The following SYNE3 variants were observed in gnomAD, a reference collection of about 807,000 sequenced individuals.
SYNE3 encodes nesprin-3.
SYNE3 carries 100 observed loss-of-function variants against 111.2 expected under a neutral mutation model. The observed-to-expected ratio is 0.90, with a 90% CI of 0.77 to 1.06. The LOEUF is 1.06. Ranked by LOEUF, SYNE3 falls within the 50% of genes least tolerant of loss-of-function variation. SYNE3 has a pLI of 0.00. For missense variants in SYNE3, 1,160 were observed against 1,240.3 expected, an observed-to-expected ratio of 0.94 and a Z score of 0.97; for synonymous variants, 547 against 533.9, an observed-to-expected ratio of 1.02 and a Z score of -0.34.
chr14:95,478,458 G>A (rs1419450122), intron 1 of SYNE3, among the ~76,000 whole-genome samples: 1 of 152,154 alleles, frequency 6.6e-6, no homozygotes, highest in Admixed American at 6.5e-5. Context: ...CTTCTGCCCT[G>A]GGACTACCAG....
chr14:95,510,116 A>C (rs1051238963), intron 1 of SYNE3, among the ~76,000 whole-genome samples: 7 of 152,208 alleles, frequency 4.6e-5, no homozygotes, highest in South Asian at 4.1e-4. Context: ...GGGCATGTAC[A>C]TGAGCGTTTG....
Position 95,408,871 on chromosome 14 carries a change from GC to G in SYNE3, c.*8954del, listed in dbSNP as rs1903355868. Reference sequence around the variant, plus strand: ...GCAAAGCCAACTCTGTCCTCTGCCTGCCCCCGCAAGGGCTGGCCTGTCCGTG... The same window carrying G: ...GCAAAGCCAACTCTGTCCTCTGCCTGCCCCGCAAGGGCTGGCCTGTCCGTG... On this transcript the variant is annotated 3_prime_UTR_variant, in exon 18 of 18. Coordinates refer to ENST00000682763, the MANE Select transcript of SYNE3 (RefSeq NM_152592.6). The G allele has an allele frequency of 2.9e-6, 1 of 339,442 alleles. No individual in the cohort carries two copies. The highest frequency in any genetic ancestry group is 2.2e-5 in the African/African-American group (1 of 46,472). The allele number at this position is 339,442 out of a possible 1,614,324, so 21.0% of individuals were successfully genotyped here.
intron 17 of SYNE3, among the ~76,000 whole-genome samples, chr14:95,420,322 G>A (rs76024182): frequency 1.3e-5 from 2 of 152,266 alleles, no homozygotes; most frequent in East Asian, 3.9e-4. Context: ...CCCACCCAGG[G>A]AGAGAGAAAA....
rs1308934438 is a variant in SYNE3 at position 95,434,283 on chromosome 14, CA to C, written c.2539-875del. Among the ~76,000 whole-genome samples the C allele has an allele frequency of 2.6e-5, 4 of 152,172 alleles. No homozygotes were observed. In the East Asian group the frequency reaches 7.7e-4, roughly 29 times the overall value. On this transcript the variant is annotated intron_variant, in intron 15 of 17. Coordinates refer to ENST00000682763, the MANE Select transcript of SYNE3 (RefSeq NM_152592.6). Reference sequence around the variant, plus strand: ...CTTGGGAAAGAATGAAAACCCAGGGCAGTCAGTGCTGTGTTCAGATCTGCTT... The same window carrying C: ...CTTGGGAAAGAATGAAAACCCAGGGCGTCAGTGCTGTGTTCAGATCTGCTT...
intron 17 of SYNE3, among the ~76,000 whole-genome samples, chr14:95,431,845 T>A (rs936838298): frequency 3.3e-5 from 5 of 152,220 alleles, no homozygotes; most frequent in Non-Finnish European, 7.3e-5. Context: ...TATGTGCCTG[T>A]CCCAGCGGAG....
chr14:95,463,352 T>C (rs1887959782), intron 4 of SYNE3, among the ~76,000 whole-genome samples: 1 of 152,184 alleles, frequency 6.6e-6, no homozygotes. Flanking sequence ...GGCAATCCTT[T>C]CAGCATCTGG....
chr14:95,440,765 C>T (rs1213830268), intron 11 of SYNE3, among the ~76,000 whole-genome samples: 1 of 152,200 alleles, frequency 6.6e-6, no homozygotes, highest in Non-Finnish European at 1.5e-5. Flanking sequence ...TCAGAGCCCC[C>T]CTTGAGGGTC....
intron 17 of SYNE3, among the ~76,000 whole-genome samples, chr14:95,423,429 C>G (rs995070015): frequency 2.6e-5 from 4 of 152,014 alleles, no homozygotes; most frequent in African/African-American, 9.7e-5. Context: ...TAGGTTGACT[C>G]ACAGGCACCT....
At chr14:95,450,512 C>A (rs116539562) in intron 7 of SYNE3, 2,547 of 166,832 alleles carry the variant, frequency 0.015, 56 homozygotes, top group African/African-American at 0.049. Context: ...CCATCCCCCC[C>A]AAAAAAATTT....
intron 16 of SYNE3, among the ~76,000 whole-genome samples, chr14:95,432,634 T>TATC (rs1192249067): frequency 3.9e-4 from 13 of 33,272 alleles, no homozygotes; most frequent in Non-Finnish European, 7.1e-4. Context: ...CTAGTTTTGC[T>TATC]ATTATTATTA....
chr14:95,509,868 T>C (rs1368492196), intron 1 of SYNE3, among the ~76,000 whole-genome samples: 2 of 152,176 alleles, frequency 1.3e-5, no homozygotes, highest in Non-Finnish European at 2.9e-5. Flanking sequence ...ACACCATGAA[T>C]ATCAGTGAAA....
rs1231430718 is a variant in SYNE3 at position 95,439,025 on chromosome 14, A to T, written c.2376+8T>A. 6.2e-7 allele frequency: 1 copy of T among 1,613,824 alleles called. No homozygotes were observed. Among genetic ancestry groups the T allele is most frequent in the East Asian group, 2.2e-5 (1 of 44,882 alleles). On this transcript the variant is annotated splice_region_variant and intron_variant, in intron 14 of 17. Coordinates refer to ENST00000682763, the MANE Select transcript of SYNE3 (RefSeq NM_152592.6). ...CCCTTCTCCCACAGCCCTGCTAGAC[A>T]GACTCACGCGTCGACGATGCCTGGG...
chr14:95,465,982 A>G lies in SYNE3; in HGVS notation c.576T>C (p.Asp192=). ...ACTCAGCCTTCATTCTCTTCTGGGCATCTTCGTCCACGCTGGGGTCCCCGA... is the reference window on the plus strand; with the variant it reads ...ACTCAGCCTTCATTCTCTTCTGGGCGTCTTCGTCCACGCTGGGGTCCCCGA... ...NRIGDPSVDE[D]AQKRMKAEYD... Residue 192 remains aspartate, a synonymous_variant, in exon 4 of 18, where the codon GAT becomes GAC. Transcript: ENST00000682763. The G allele has an allele frequency of 6.2e-7, 1 of 1,603,516 alleles. No homozygotes were observed. The highest frequency in any genetic ancestry group is 8.5e-7 in the Non-Finnish European group (1 of 1,171,328).
intron 1 of SYNE3, among the ~76,000 whole-genome samples, chr14:95,491,747 CTT>C (rs1395316160): frequency 6.8e-6 from 1 of 147,116 alleles, no homozygotes; most frequent in Non-Finnish European, 1.5e-5. Context: ...AAAATTAAAA[CTT>C]TTGTACTTCA....
At position 95,435,613 on chromosome 14, in the gene SYNE3, G is replaced by GA. The variant is rs376417896; in HGVS notation, c.2538+1206dup. Among the ~76,000 whole-genome samples the GA allele has an allele frequency of 9.9e-5, 15 of 150,820 alleles. 1 individual carries two copies. Among genetic ancestry groups the GA allele is most frequent in the East Asian group, 3.9e-4 (2 of 5,164 alleles). On this transcript the variant is annotated intron_variant, in intron 15 of 17. Coordinates refer to ENST00000682763, the MANE Select transcript of SYNE3 (RefSeq NM_152592.6). ...CAAGTAACAAGTTTGGGAATTAAGA[G>GA]AAAAAAAAATAAGGTTAGAGAGTTT...
At chr14:95,444,761 G>C in intron 9 of SYNE3, 133 bp from the exon 10 acceptor site, 9 of 1,172,700 alleles carry the variant, frequency 7.7e-6, no homozygotes, top group Non-Finnish European at 9.2e-6. Flanking sequence ...CCCCCTCCAG[G>C]AAGCCTTCCC....
intron 11 of SYNE3, among the ~76,000 whole-genome samples, chr14:95,441,631 G>C (rs1886421693): frequency 6.6e-6 from 1 of 152,248 alleles, no homozygotes; most frequent in Admixed American, 6.5e-5. Flanking sequence ...CATTTGGATG[G>C]AGGTATTAGG....
intron 1 of SYNE3, among the ~76,000 whole-genome samples, chr14:95,489,657 G>T (rs1402382967): frequency 6.6e-6 from 1 of 152,168 alleles, no homozygotes; most frequent in African/African-American, 2.4e-5. Flanking sequence ...TTGCTATGTT[G>T]CCCAGGCTGG....
intron 17 of SYNE3, among the ~76,000 whole-genome samples, chr14:95,425,750 G>A (rs1045335968): frequency 2.0e-5 from 3 of 152,170 alleles, no homozygotes; most frequent in Admixed American, 2.0e-4. Flanking sequence ...TCTATAAACC[G>A]AAAGCTGCTC....
Sources: gnomAD v4.1 joint callset for allele counts (sites outside exome capture counted in the v4.1 genomes callset) on GRCh38, gnomAD v4.1.1 for gene constraint, MANE v1.5 for transcripts, NCBI Gene and HGNC (gene_info 2026-07-23, HGNC 2026-07-21) for gene names.